CSMD3: variants seen among roughly 807,000 people sequenced by gnomAD.
The protein encoded by CSMD3 is CUB and sushi domain-containing protein 3.
Under a neutral mutation model 435.2 loss-of-function variants are expected in CSMD3, and 177 were observed. The ratio of observed to expected loss-of-function variants is 0.41; its 90% CI spans 0.36 to 0.46. CSMD3 has a LOEUF of 0.46. Ranked by LOEUF, CSMD3 falls within the 20% of genes least tolerant of loss-of-function variation. The pLI is 0.34. For missense variants in CSMD3, 4,265 were observed against 4,504.6 expected, an observed-to-expected ratio of 0.95 and a Z score of 1.52; for synonymous variants, 1,656 against 1,520.5, an observed-to-expected ratio of 1.09 and a Z score of -2.07.
intron 4 of CSMD3, among the ~76,000 whole-genome samples, chr8:113,137,152 G>C (rs1310405532): frequency 6.6e-6 from 1 of 151,668 alleles, no homozygotes; most frequent in South Asian, 2.1e-4. Flanking sequence ...GCAATGTTTA[G>C]AGTCCAAGTG....
chr8:112,621,315 G>C (rs147023073), intron 22 of CSMD3, among the ~76,000 whole-genome samples: 1 of 151,990 alleles, frequency 6.6e-6, no homozygotes, highest in Non-Finnish European at 1.5e-5. Context: ...CAGATAGTAC[G>C]TATACAGACA....
chr8:112,358,658 C>T (rs1038682260), intron 38 of CSMD3, among the ~76,000 whole-genome samples: 11 of 152,170 alleles, frequency 7.2e-5, no homozygotes, highest in East Asian at 1.9e-4. Flanking sequence ...CTATGTAAGA[C>T]GTGACTTGCT....
intron 8 of CSMD3, among the ~76,000 whole-genome samples, chr8:112,954,097 T>C (rs2083922509): frequency 6.6e-6 from 1 of 151,516 alleles, no homozygotes; most frequent in South Asian, 2.1e-4. Flanking sequence ...GATTTTGGGA[T>C]GAACTTCAGA....
chr8:113,147,951 C>A (rs2091716259), intron 4 of CSMD3, among the ~76,000 whole-genome samples: 1 of 151,732 alleles, frequency 6.6e-6, no homozygotes, highest in Admixed American at 6.6e-5. Flanking sequence ...CACTTCCTCC[C>A]AGCCCCTAGT....
intron 32 of CSMD3, among the ~76,000 whole-genome samples, chr8:112,454,665 A>G (rs190834137): frequency 3.9e-5 from 6 of 152,228 alleles, no homozygotes; most frequent in Non-Finnish European, 1.5e-5. Flanking sequence ...GTCAGCCACT[A>G]TGGAAAACAG....
intron 2 of CSMD3, among the ~76,000 whole-genome samples, chr8:113,282,022 T>C (rs912895100): frequency 4.6e-5 from 7 of 152,004 alleles, no homozygotes; most frequent in African/African-American, 1.7e-4. Context: ...TTCTAGCTTG[T>C]AGGGTTTCTG....
chr8:112,238,948 T>C (rs1216616054), intron 66 of CSMD3, among the ~76,000 whole-genome samples: 1 of 152,070 alleles, frequency 6.6e-6, no homozygotes, highest in African/African-American at 2.4e-5. Context: ...TTTGAGTCCT[T>C]GTAATGAACT....
chr8:113,305,705 T>A (rs2093814822), intron 2 of CSMD3, among the ~76,000 whole-genome samples: 1 of 152,220 alleles, frequency 6.6e-6, no homozygotes, highest in African/African-American at 2.4e-5. Flanking sequence ...GAGCCTTTTA[T>A]GTTGACCAAA....
At chr8:112,391,545 A>G (rs1830416584) in intron 35 of CSMD3, among the ~76,000 whole-genome samples, 2 of 152,088 alleles carry the variant, frequency 1.3e-5, no homozygotes, top group South Asian at 2.1e-4. Context: ...TACAAAAATT[A>G]GCCAGACGTG....
chr8:112,306,228 C>T (rs984117568), intron 50 of CSMD3, 36 bp from the exon 51 acceptor site: 1 of 1,535,800 alleles, frequency 6.5e-7, no homozygotes, highest in Middle Eastern at 2.0e-4. Context: ...ATCGTATAAA[C>T]AGAAAAATGT....
At chr8:113,180,030 G>A (rs2092402165) in intron 3 of CSMD3, among the ~76,000 whole-genome samples, 1 of 151,878 alleles carries the variant, frequency 6.6e-6, no homozygotes, top group Non-Finnish European at 1.5e-5. Context: ...TAATTATTCA[G>A]TCAAATAGAT....
chr8:112,971,721 A>G (rs896063727), intron 7 of CSMD3, among the ~76,000 whole-genome samples: 1 of 152,122 alleles, frequency 6.6e-6, no homozygotes. Context: ...GTGTGGTGTT[A>G]ATATGCATTT....
intron 32 of CSMD3, among the ~76,000 whole-genome samples, chr8:112,459,359 G>GTGTGT (rs201845037): frequency 2.4e-4 from 22 of 93,606 alleles, no homozygotes; most frequent in African/African-American, 1.2e-3. Flanking sequence ...GTGTGTGTGT[G>GTGTGT]GGGGGGGGGG....
chr8:112,298,083 AAAAAAAAT>A (rs1820511407), intron 53 of CSMD3, among the ~76,000 whole-genome samples: 4 of 148,024 alleles, frequency 2.7e-5, no homozygotes, highest in Admixed American at 2.0e-4. Flanking sequence ...AAAAAAAAAA[AAAAAAAAT>A]AAGTAAAGAC....
At chr8:113,387,815 G>A (rs1381233817) in intron 1 of CSMD3, among the ~76,000 whole-genome samples, 4 of 151,710 alleles carry the variant, frequency 2.6e-5, no homozygotes, top group African/African-American at 9.7e-5. Flanking sequence ...CTGCTAACAT[G>A]TAGTTCTTAC....
chr8:112,800,579 G>T (rs949636225), intron 12 of CSMD3, among the ~76,000 whole-genome samples: 7 of 151,910 alleles, frequency 4.6e-5, no homozygotes, highest in African/African-American at 1.7e-4. Context: ...AAGAAAAGGA[G>T]GATCTATACA....
chr8:112,959,249 A>T (rs555474195), intron 7 of CSMD3, among the ~76,000 whole-genome samples: 1 of 152,152 alleles, frequency 6.6e-6, no homozygotes, highest in Admixed American at 6.5e-5. Context: ...CTCTTAGAAG[A>T]CAGTGGCATT....
intron 35 of CSMD3, among the ~76,000 whole-genome samples, chr8:112,392,693 CAAAT>C (rs1830527034): frequency 6.6e-6 from 1 of 151,354 alleles, no homozygotes; most frequent in Non-Finnish European, 1.5e-5. Flanking sequence ...CTACATTAAT[CAAAT>C]AAGTGGCCTC....
intron 12 of CSMD3, among the ~76,000 whole-genome samples, chr8:112,801,149 G>A (rs1465283803): frequency 6.6e-6 from 1 of 151,996 alleles, no homozygotes; most frequent in Non-Finnish European, 1.5e-5. Context: ...AATACTGAAT[G>A]TTTGCCTACT....
Sources: gnomAD v4.1 joint callset for allele counts (sites outside exome capture counted in the v4.1 genomes callset) on GRCh38, gnomAD v4.1.1 for gene constraint, MANE v1.5 for transcripts, NCBI Gene and HGNC (gene_info 2026-07-23, HGNC 2026-07-21) for gene names.